TCEA1: variants seen among roughly 807,000 people sequenced by gnomAD.
TCEA1 encodes the protein transcription elongation factor A1.
Under a neutral mutation model 43.8 loss-of-function variants are expected in TCEA1, and 21 were observed. The observed-to-expected ratio is 0.48, with a 90% confidence interval of 0.34 to 0.69. The LOEUF (loss-of-function observed/expected upper bound fraction) is 0.69, where lower values mean the gene tolerates loss of function less well. Ranked by LOEUF, TCEA1 falls within the 30% of genes least tolerant of loss-of-function variation. TCEA1 has a pLI of 0.01. For synonymous variants in TCEA1, 104 were observed against 117.5 expected (o/e 0.88, Z 0.75); for missense variants, 250 against 365.1 (o/e 0.68, Z 2.57).
At chr8:53,990,415 T>G (rs1269029547) in intron 4 of TCEA1, among the ~76,000 whole-genome samples, 4 of 149,414 alleles carry the variant, frequency 2.7e-5, no homozygotes, top group Admixed American at 1.4e-4. Context: ...CAGACTGGAG[T>G]GCAGTGAAAC....
chr8:54,012,549 A>G (rs902213077), intron 1 of TCEA1, among the ~76,000 whole-genome samples: 4 of 152,086 alleles, frequency 2.6e-5, no homozygotes, highest in Admixed American at 2.6e-4. Context: ...ACAGAGCGAG[A>G]CTCCGTCTCA....
At position 53,968,113 on chromosome 8, in the gene TCEA1, C is replaced by A; in HGVS notation, c.898-1G>T. The A allele has an allele frequency of 6.6e-7, 1 of 1,524,980 alleles. No individual in the cohort carries two copies. The highest frequency in any genetic ancestry group is 8.9e-7 in the Non-Finnish European group (1 of 1,128,392). The allele number at this position is 1,524,980 out of a possible 1,614,324, so 94.5% of individuals were successfully genotyped here. ...TGCCAATTCTTCCAACTCAACAGAA[C>A]TGTCAAAAAAGAAAAAATATTTTGT... On this transcript the variant is annotated splice_acceptor_variant, in intron 9 of 9. Coordinates refer to ENST00000521604, the MANE Select transcript of TCEA1 (RefSeq NM_006756.4). LOFTEE classifies it high-confidence loss of function.
chr8:54,010,433 C>G lies in TCEA1; in HGVS notation c.123G>C (p.Leu41=). Residue 41 remains leucine (L), a synonymous_variant, in exon 2 of 10, where the codon CTG becomes CTC. Transcript: ENST00000521604. ...TTTGATGCATAAAAGCACATACCTG[C>G]AGTAATTCCAGGGTCATAGGAATAT... ...LKNIPMTLEL[L]QSTRIGMSVN... is the part of the protein sequence containing the mutation. 6.2e-7 allele frequency: 1 copy of G among 1,603,334 alleles called. No individual in the cohort carries two copies. The highest frequency in any genetic ancestry group is 2.2e-5 in the East Asian group (1 of 44,672).
chr8:53,999,661 T>G (rs1804189771), intron 3 of TCEA1: 1 of 333,454 alleles, frequency 3.0e-6, no homozygotes, highest in Admixed American at 4.7e-5. Context: ...AAAAACCATT[T>G]CAAAAGGTAT....
intron 1 of TCEA1, among the ~76,000 whole-genome samples, chr8:54,011,349 G>A (rs1309366861): frequency 6.6e-6 from 1 of 152,182 alleles, no homozygotes; most frequent in African/African-American, 2.4e-5. Context: ...AGCTAATGCC[G>A]TGAGCTCTAG....
chr8:53,999,715 T>C lies in TCEA1; in HGVS notation c.232+230A>G, dbSNP rs147085283. On this transcript the variant is annotated intron_variant, in intron 3 of 9. Transcript: ENST00000521604. ...GAGAAAATTCTTCTTACTGAAAGAG[T>C]TTATCCAGTTGTGTCAAAAGTTAAG... The C allele has an allele frequency of 1.2e-3, 532 of 437,906 alleles. 2 individuals are homozygous for C. Among genetic ancestry groups the C allele is most frequent in the African/African-American group, 0.01 (497 of 49,402 alleles). 27.1% of individuals were successfully genotyped at this position (437,906 alleles called of 1,614,324 possible). A position where few individuals can be genotyped will look rare whatever the true frequency, so the allele number is the denominator to read the frequency against.
chr8:53,968,321 T>A (rs1410167703), intron 9 of TCEA1, among the ~76,000 whole-genome samples: 3 of 151,844 alleles, frequency 2.0e-5, no homozygotes, highest in African/African-American at 7.3e-5. Flanking sequence ...AGAACTTGTA[T>A]AAAACAATTT....
intron 8 of TCEA1, among the ~76,000 whole-genome samples, chr8:53,975,568 G>T (rs775494107): frequency 6.6e-6 from 1 of 152,194 alleles, no homozygotes; most frequent in Non-Finnish European, 1.5e-5. Flanking sequence ...AAAAAGTAGG[G>T]AAAGTCTGAC....
At chr8:54,002,642 CTA>C (rs1804308987) in intron 2 of TCEA1, among the ~76,000 whole-genome samples, 1 of 151,052 alleles carries the variant, frequency 6.6e-6, no homozygotes, top group Admixed American at 6.6e-5. Flanking sequence ...GAAGTTGACT[CTA>C]TGAATTCCCT....
chr8:53,973,303 G>A, intron 8 of TCEA1: 6 of 523,718 alleles, frequency 1.1e-5, no homozygotes, highest in Non-Finnish European at 2.1e-5. Flanking sequence ...AAAGTGCAAA[G>A]AGATGGTCAA....
At chr8:53,970,060 C>T (rs1020966107) in intron 9 of TCEA1, among the ~76,000 whole-genome samples, 1 of 152,042 alleles carries the variant, frequency 6.6e-6, no homozygotes, top group African/African-American at 2.4e-5. Flanking sequence ...ACAAGTAATA[C>T]ACATGTATAG....
intron 2 of TCEA1, among the ~76,000 whole-genome samples, chr8:54,004,166 C>G (rs1367370502): frequency 1.3e-5 from 2 of 152,024 alleles, no homozygotes; most frequent in African/African-American, 4.8e-5. Context: ...GAAACTGGAC[C>G]CCTCGTTTAC....
intron 1 of TCEA1, among the ~76,000 whole-genome samples, chr8:54,014,011 G>A (rs1449969092): frequency 1.3e-5 from 2 of 152,190 alleles, no homozygotes; most frequent in Non-Finnish European, 2.9e-5. Flanking sequence ...TGGGGATACA[G>A]CAGTGAGCAA....
chr8:54,013,149 C>A (rs1463719539), intron 1 of TCEA1, among the ~76,000 whole-genome samples: 1 of 152,084 alleles, frequency 6.6e-6, no homozygotes, highest in Non-Finnish European at 1.5e-5. Flanking sequence ...GTTGATTCTT[C>A]CAACATATCA....
intron 4 of TCEA1, among the ~76,000 whole-genome samples, chr8:53,991,860 T>C (rs1803894329): frequency 6.6e-6 from 1 of 151,208 alleles, no homozygotes; most frequent in East Asian, 1.9e-4. Context: ...TCTTTTAATA[T>C]AGTTAATATG....
chr8:53,970,024 A>T (rs1028001022), intron 9 of TCEA1, among the ~76,000 whole-genome samples: 1 of 152,194 alleles, frequency 6.6e-6, no homozygotes, highest in African/African-American at 2.4e-5. Context: ...GGGAAAAAAA[A>T]TTTTCCAAAA....
At chr8:53,979,292 G>T (rs898922841) in intron 7 of TCEA1, 121 bp from the exon 8 acceptor site, 2 of 1,093,842 alleles carry the variant, frequency 1.8e-6, no homozygotes, top group South Asian at 5.6e-5. Context: ...GGTTTTAAAA[G>T]CATTAAATTA....
chr8:54,017,630 C>A (rs1433959295), intron 1 of TCEA1, among the ~76,000 whole-genome samples: 1 of 152,074 alleles, frequency 6.6e-6, no homozygotes, highest in African/African-American at 2.4e-5. Context: ...ATAAAAAATA[C>A]CCAAAAAAGG....
chr8:53,970,192 T>G, intron 9 of TCEA1, 200 bp downstream of exon 9: 1 of 598,208 alleles, frequency 1.7e-6, no homozygotes, highest in South Asian at 2.0e-5. Flanking sequence ...ATAAAGGTGG[T>G]AAAGTCAAGT....
Sources: allele counts gnomAD v4.1 joint callset (sites outside exome capture counted in the v4.1 genomes callset), GRCh38; gene constraint gnomAD v4.1.1; transcripts MANE v1.5; gene names NCBI Gene and HGNC (gene_info 2026-07-23, HGNC 2026-07-21).